The following WWOX variants were observed in gnomAD, a reference collection of about 807,000 sequenced individuals.
WWOX encodes WW domain-containing oxidoreductase.
Under a neutral mutation model 46.2 loss-of-function variants are expected in WWOX, and 69 were observed. The ratio of observed to expected loss-of-function variants is 1.49; its 90% CI spans 1.23 to 1.82. The LOEUF is 1.82. WWOX is among the 40% of genes most tolerant of loss of function. WWOX has a pLI of 0.00. For missense variants in WWOX, 919 were observed against 542.6 expected (o/e 1.69, Z -6.89); for synonymous variants, 359 against 202.6 (o/e 1.77, Z -6.56).
intron 4 of WWOX, among the ~76,000 whole-genome samples, chr16:78,139,993 A>C (rs1315097744): frequency 2.0e-5 from 3 of 152,090 alleles, no homozygotes; most frequent in Non-Finnish European, 4.4e-5. Flanking sequence ...ATGTCCCAGA[A>C]TTTTGGGTTT....
intron 8 of WWOX, among the ~76,000 whole-genome samples, chr16:78,434,044 C>T (rs1456411342): frequency 1.3e-5 from 2 of 152,258 alleles, no homozygotes; most frequent in East Asian, 1.9e-4. Context: ...CCGCCTCGGC[C>T]TCCCAAAGTG....
intron 8 of WWOX, among the ~76,000 whole-genome samples, chr16:78,500,848 G>A (rs1221392318): frequency 6.6e-6 from 1 of 152,164 alleles, no homozygotes; most frequent in Non-Finnish European, 1.5e-5. Context: ...CGCCTGTGCT[G>A]GGCCTGCTAG....
chr16:78,789,595 T>C (rs950588636), intron 8 of WWOX, among the ~76,000 whole-genome samples: 1 of 152,226 alleles, frequency 6.6e-6, no homozygotes, highest in Admixed American at 6.5e-5. Flanking sequence ...TCTCCAACTT[T>C]GTTCTTCATT....
intron 8 of WWOX, among the ~76,000 whole-genome samples, chr16:78,638,727 T>C (rs1251368154): frequency 6.6e-6 from 1 of 152,152 alleles, no homozygotes; most frequent in Non-Finnish European, 1.5e-5. Context: ...CATTAGAGCT[T>C]TTCTCTTCCT....
chr16:78,099,789 TGCGCTAC>T lies in WWOX; in HGVS notation c.15_21del (p.Tyr6GlyfsTer72). The T allele has an allele frequency of 6.4e-7, 1 of 1,558,526 alleles. No homozygotes were observed. Among genetic ancestry groups the T allele is most frequent in the Non-Finnish European group, 8.7e-7 (1 of 1,153,820 alleles). ...CCTCCACAGTCAGCCATGGCAGCGC[TGCGCTAC>T]GCGGGGCTGGACGACACGGACAGTG... On this transcript the variant is annotated frameshift_variant, in exon 1 of 9. Transcript: ENST00000566780. LOFTEE classifies it high-confidence loss of function.
chr16:78,947,885 C>T (rs1207561202), intron 8 of WWOX, among the ~76,000 whole-genome samples: 1 of 152,174 alleles, frequency 6.6e-6, no homozygotes, highest in Non-Finnish European at 1.5e-5. Context: ...CCAACAGGTT[C>T]AGGTTGATTT....
intron 8 of WWOX, among the ~76,000 whole-genome samples, chr16:78,749,424 GAGAA>G (rs1178998929): frequency 1.3e-5 from 2 of 152,214 alleles, no homozygotes; most frequent in Admixed American, 6.5e-5. Context: ...GTTTAAAAGA[GAGAA>G]AGAGAGAGAC....
At chr16:78,640,412 A>C (rs1354702915) in intron 8 of WWOX, among the ~76,000 whole-genome samples, 1 of 151,996 alleles carries the variant, frequency 6.6e-6, no homozygotes, top group Non-Finnish European at 1.5e-5. Context: ...CAGGAAGGGC[A>C]CAGGGGCAAG....
chr16:78,471,865 A>G (rs2084230425), intron 8 of WWOX, among the ~76,000 whole-genome samples: 1 of 152,246 alleles, frequency 6.6e-6, no homozygotes. Context: ...ATTTTAATGT[A>G]CCAATTTGCA....
In WWOX at chr16:79,043,686, G is replaced by A. The variant is rs139408521; in HGVS notation, c.1057-167922G>A. Among the ~76,000 whole-genome samples, 571 of 152,326 alleles carry A rather than the reference G, an allele frequency of 3.7e-3. 4 individuals are homozygous for A. Among genetic ancestry groups the A allele is most frequent in the African/African-American group, 0.013 (542 of 41,566 alleles). On this transcript the variant is annotated intron_variant, in intron 8 of 8. Coordinates refer to ENST00000566780, the MANE Select transcript of WWOX (RefSeq NM_016373.4). ...TTTGTCATGTAAATAGGATCAGGCT[G>A]ACCAGTATAGACTGGGCAGAGGAAG...
intron 8 of WWOX, among the ~76,000 whole-genome samples, chr16:78,635,835 G>A (rs1244987344): frequency 3.3e-5 from 5 of 152,252 alleles, no homozygotes; most frequent in South Asian, 4.2e-4. Flanking sequence ...AGAAGTTGGC[G>A]TTTCCTTGCA....
At chr16:79,053,188 A>G (rs1210430150) in intron 8 of WWOX, among the ~76,000 whole-genome samples, 1 of 152,172 alleles carries the variant, frequency 6.6e-6, no homozygotes, top group African/African-American at 2.4e-5. Context: ...TATTTTATTG[A>G]CAGAAACTAG....
At chr16:78,115,992 C>T (rs557437121) in intron 4 of WWOX, among the ~76,000 whole-genome samples, 1 of 152,142 alleles carries the variant, frequency 6.6e-6, no homozygotes, top group East Asian at 1.9e-4. Context: ...TTTCTCTTTC[C>T]TAATTTTGTT....
At chr16:78,499,232 G>A (rs189420981) in intron 8 of WWOX, among the ~76,000 whole-genome samples, 177 of 152,038 alleles carry the variant, frequency 1.2e-3, no homozygotes, top group Non-Finnish European at 2.0e-3. Context: ...TGCTTTGGGG[G>A]GGTGAGGGGG....
chr16:78,767,319 A>T (rs1231356095), intron 8 of WWOX, among the ~76,000 whole-genome samples: 2 of 151,828 alleles, frequency 1.3e-5, no homozygotes, highest in African/African-American at 4.8e-5. Flanking sequence ...TATTTTTAGT[A>T]GAGACAGATT....
intron 5 of WWOX, among the ~76,000 whole-genome samples, chr16:78,185,915 C>G (rs2035686779): frequency 6.6e-6 from 1 of 152,176 alleles, no homozygotes; most frequent in South Asian, 2.1e-4. Context: ...ATCCACCCGC[C>G]TCGGCCTCCG....
At chr16:78,200,187 C>T (rs769263971) in intron 5 of WWOX, among the ~76,000 whole-genome samples, 12 of 152,028 alleles carry the variant, frequency 7.9e-5, no homozygotes, top group Admixed American at 1.3e-4. Context: ...CTGACTGTTG[C>T]CTCAGCCGCT....
intron 8 of WWOX, among the ~76,000 whole-genome samples, chr16:78,704,970 T>TAAAAAACA (rs2048301770): frequency 1.3e-5 from 2 of 152,158 alleles, no homozygotes; most frequent in African/African-American, 4.8e-5. Context: ...GCGACAGTCT[T>TAAAAAACA]GGTTTTCTTA....
intron 8 of WWOX, among the ~76,000 whole-genome samples, chr16:78,714,307 A>G (rs1178603300): frequency 6.6e-6 from 1 of 152,120 alleles, no homozygotes; most frequent in Non-Finnish European, 1.5e-5. Flanking sequence ...GCGGAAGGCA[A>G]AGGAGGAGCA....
Sources: allele counts gnomAD v4.1 joint callset (sites outside exome capture counted in the v4.1 genomes callset), GRCh38; gene constraint gnomAD v4.1.1; transcripts MANE v1.5; gene names NCBI Gene and HGNC (gene_info 2026-07-23, HGNC 2026-07-21).